LRRC27: variants seen among roughly 807,000 people sequenced by gnomAD.
The protein encoded by LRRC27 is leucine-rich repeat-containing protein 27.
In LRRC27, 57 loss-of-function variants were observed where a neutral mutation model predicts 55.0. That is an observed-to-expected ratio of 1.04 (90% confidence interval 0.84 to 1.29). The LOEUF is 1.29. LRRC27 is among the 50% of genes most tolerant of loss of function. The probability of loss-of-function intolerance (pLI) is 0.00; values close to 1 mark genes in which losing one functional copy is unlikely to be tolerated. For missense variants in LRRC27, 721 were observed against 651.5 expected, an observed-to-expected ratio of 1.11 and a Z score of -1.16; for synonymous variants, 278 against 251.9, an observed-to-expected ratio of 1.10 and a Z score of -0.98.
chr10:132,335,479 GGGGGGTC>G (rs2067076736), intron 2 of LRRC27, among the ~76,000 whole-genome samples: 1 of 150,706 alleles, frequency 6.6e-6, no homozygotes, highest in African/African-American at 2.4e-5. Flanking sequence ...GTACTATGGG[GGGGGGTC>G]ACAGTCTTCC....
chr10:132,361,585 T>G lies in LRRC27; in HGVS notation c.1289+10T>G. 6.3e-7 allele frequency: 1 copy of G among 1,588,676 alleles called. No individual in the cohort carries two copies. The highest frequency in any genetic ancestry group is 8.6e-7 in the Non-Finnish European group (1 of 1,157,366). On this transcript the variant is annotated intron_variant, in intron 9 of 10. Transcript: ENST00000368614. ...CAAGTAAAGAAATGAGGTTGGTAAC[T>G]GCAACTGGCACTCAGTCCTTCCAGG...
At chr10:132,371,375 A>C (rs560837894) in intron 10 of LRRC27, among the ~76,000 whole-genome samples, 128 of 152,340 alleles carry the variant, frequency 8.4e-4, no homozygotes, top group Admixed American at 2.0e-3. Context: ...AGAGAGAAGA[A>C]AGCCCAGAGG....
intron 8 of LRRC27, 46 bp downstream of exon 8, chr10:132,355,932 G>A: frequency 7.4e-7 from 1 of 1,342,644 alleles, no homozygotes; most frequent in Non-Finnish European, 1.0e-6. Flanking sequence ...CAGTCCCGGG[G>A]GTGGGTGGGT....
chr10:132,362,887 CG>C, intron 9 of LRRC27, among the ~76,000 whole-genome samples: 1 of 126,348 alleles, frequency 7.9e-6, no homozygotes. Context: ...CTCGGGGGTC[CG>C]GGGTTCACCC....
chr10:132,362,929 G>T (rs2068707892), intron 9 of LRRC27, among the ~76,000 whole-genome samples: 1 of 102,644 alleles, frequency 9.7e-6, no homozygotes, highest in Non-Finnish European at 2.1e-5. Context: ...AGGAGTATGG[G>T]GTTCACCCTT....
intron 5 of LRRC27, among the ~76,000 whole-genome samples, chr10:132,345,202 A>G (rs2067619831): frequency 1.3e-5 from 2 of 152,228 alleles, no homozygotes; most frequent in South Asian, 4.1e-4. Context: ...GAAAAGGTAA[A>G]GTTAAATTGG....
At position 132,333,523 on chromosome 10, in the gene LRRC27, G is replaced by A. The variant is rs2066938909; in HGVS notation, c.-2G>A. ...TGAGCTGCTGTCCCTGGAAGAGAACGGATGGAGGGAAGCAGCTCCTACGAA... is the reference window on the plus strand; with the variant it reads ...TGAGCTGCTGTCCCTGGAAGAGAACAGATGGAGGGAAGCAGCTCCTACGAA... On this transcript the variant is annotated 5_prime_UTR_variant, in exon 2 of 11. Transcript: ENST00000368614. 1.9e-6 allele frequency: 3 copies of A among 1,593,500 alleles called. No homozygotes were observed. The Admixed American group carries it at 5.1e-5, about 27-fold the overall frequency.
intron 8 of LRRC27, among the ~76,000 whole-genome samples, chr10:132,359,850 G>A (rs2474339): frequency 0.81 from 123,839 of 152,242 alleles, 51,006 homozygotes; most frequent in African/African-American, 0.95. Context: ...GACACTTGAC[G>A]TACAAACCCT....
rs1163528311 is a variant in LRRC27, at chr10:132,351,591, C to A, written c.927-16C>A. 6.2e-7 allele frequency: 1 copy of A among 1,608,392 alleles called. No individual in the cohort carries two copies. Among genetic ancestry groups the A allele is most frequent in the African/African-American group, 1.3e-5 (1 of 74,398 alleles). On this transcript the variant is annotated splice_polypyrimidine_tract_variant and intron_variant, in intron 6 of 10. Transcript: ENST00000368614. Reference sequence around the variant, plus strand: ...GTTTTGTTAAACATTCAGCTAAAAACACTCTGTAATTTTAGAAGGAAGACA... The same window carrying A: ...GTTTTGTTAAACATTCAGCTAAAAAAACTCTGTAATTTTAGAAGGAAGACA...
chr10:132,363,401 A>T (rs1225009307), intron 9 of LRRC27, among the ~76,000 whole-genome samples: 2 of 151,876 alleles, frequency 1.3e-5, no homozygotes, highest in African/African-American at 2.4e-5. Context: ...AGTCGCCTCC[A>T]CCTCCTCTGA....
intron 10 of LRRC27, among the ~76,000 whole-genome samples, chr10:132,371,945 C>G (rs1372856317): frequency 6.6e-6 from 1 of 152,206 alleles, no homozygotes; most frequent in Non-Finnish European, 1.5e-5. Flanking sequence ...CAGGTGAGCC[C>G]TTGTCCTCGC....
Position 132,380,253 on chromosome 10 carries a change from G to A in LRRC27, c.*5011G>A, listed in dbSNP as rs190331275. ...AGAGGTTGCAGTGAGCCGAGATCAC[G>A]CCATTGCACTCCAGCCTGGGCAACA... On this transcript the variant is annotated 3_prime_UTR_variant, in exon 11 of 11. Coordinates refer to ENST00000368614, the MANE Select transcript of LRRC27 (RefSeq NM_030626.3). 1.3e-4 allele frequency among the ~76,000 whole-genome samples: 19 copies of A among 150,864 alleles called. No individual in the cohort carries two copies. Among genetic ancestry groups the A allele is most frequent in the African/African-American group, 4.4e-4 (18 of 40,982 alleles).
At position 132,348,059 on chromosome 10, in the gene LRRC27, C is replaced by G; in HGVS notation, c.629C>G (p.Ser210Cys). The G allele has an allele frequency of 6.2e-7, 1 of 1,614,028 alleles. No homozygotes were observed. Among genetic ancestry groups the G allele is most frequent in the Non-Finnish European group, 8.5e-7 (1 of 1,180,042 alleles). ...PGLELSGDHA[S>C]NQGAVNAQDP... The stretch of plus-strand genomic sequence containing the variant: ...CTGGAGTTGTCTGGAGACCACGCGT[C>G]TAACCAAGGAGCTGTGAACGCTCAG... Residue 210 changes from serine (S) to cysteine (C), a missense_variant, in exon 6 of 11, where the codon TCT becomes TGT. Coordinates refer to ENST00000368614, the MANE Select transcript of LRRC27 (RefSeq NM_030626.3). The surrounding 1 kb of genome is among the most constrained non-coding windows in gnomAD (Gnocchi z 4.2).
chr10:132,367,180 G>T (rs1245242594), intron 10 of LRRC27, among the ~76,000 whole-genome samples: 1 of 152,168 alleles, frequency 6.6e-6, no homozygotes, highest in Non-Finnish European at 1.5e-5. Context: ...TCCCTTGAAA[G>T]ACAACATCTG....
chr10:132,364,264 T>C (rs2068796472), intron 9 of LRRC27, among the ~76,000 whole-genome samples: 1 of 149,860 alleles, frequency 6.7e-6, no homozygotes, highest in Admixed American at 6.8e-5. Flanking sequence ...TGAGTGAGAC[T>C]GTGTGCCATT....
intron 8 of LRRC27, among the ~76,000 whole-genome samples, chr10:132,356,585 T>A (rs1451093048): frequency 6.9e-6 from 1 of 144,180 alleles, no homozygotes; most frequent in African/African-American, 2.6e-5. Context: ...TGCCAGCTCT[T>A]AAGCTATGGG....
At chr10:132,353,401 G>A (rs1002997804) in intron 7 of LRRC27, 23 of 1,032,458 alleles carry the variant, frequency 2.2e-5, no homozygotes, top group Admixed American at 1.0e-4. Flanking sequence ...AAGCCACCCC[G>A]TTGTGTGTGT....
chr10:132,345,780 CAG>C (rs1298705961), intron 5 of LRRC27, among the ~76,000 whole-genome samples: 2 of 151,972 alleles, frequency 1.3e-5, no homozygotes, highest in African/African-American at 2.4e-5. Context: ...AGCCAGGACA[CAG>C]GGAGCACAGG....
intron 9 of LRRC27, among the ~76,000 whole-genome samples, chr10:132,364,333 C>T (rs1175274647): frequency 4.9e-4 from 2 of 4,118 alleles, no homozygotes; most frequent in Non-Finnish European, 1.1e-3. Context: ...CACCCATGAC[C>T]ACACCCACAC....
Sources: allele counts gnomAD v4.1 joint callset (sites outside exome capture counted in the v4.1 genomes callset), GRCh38; gene constraint gnomAD v4.1.1; non-coding constraint Gnocchi (gnomAD v3.1); transcripts MANE v1.5; gene names NCBI Gene and HGNC (gene_info 2026-07-23, HGNC 2026-07-21).